Variants in TSKU observed in about 807,000 individuals in gnomAD.
TSKU encodes the protein tsukushi.
In TSKU, 4 loss-of-function variants were observed where a neutral mutation model predicts 11.2. That is an observed-to-expected ratio of 0.36 (90% CI 0.18 to 0.82). The LOEUF (loss-of-function observed/expected upper bound fraction) is 0.82. Among genes scored for constraint, TSKU ranks in the 40% least tolerant of loss-of-function variants. The pLI is 0.50. For synonymous variants in TSKU, 220 were observed against 232.2 expected, an observed-to-expected ratio of 0.95 and a Z score of 0.48; for missense variants, 407 against 482.5, an observed-to-expected ratio of 0.84 and a Z score of 1.47.
At chr11:76,787,142 G>T (rs1395613781) in intron 1 of TSKU, among the ~76,000 whole-genome samples, 2 of 152,190 alleles carry the variant, frequency 1.3e-5, no homozygotes, top group Admixed American at 1.3e-4. Context: ...ACTCAGAGGG[G>T]TGAGGGCACG....
chr11:76,793,642 G>A (rs562942411), intron 1 of TSKU, among the ~76,000 whole-genome samples: 7 of 152,222 alleles, frequency 4.6e-5, no homozygotes, highest in East Asian at 3.9e-4. Context: ...TGAGCCCTGC[G>A]GTGAGGAGCT....
At chr11:76,782,893 A>G (rs1384335325), upstream of TSKU, 2 of 152,166 alleles carry the variant, frequency 1.3e-5, no homozygotes, top group African/African-American at 4.8e-5. Context: ...TGAACAAGCA[A>G]AGAGGAAGCC....
intron 1 of TSKU, among the ~76,000 whole-genome samples, chr11:76,789,088 T>G (rs979667530): frequency 2.6e-5 from 4 of 152,206 alleles, no homozygotes; most frequent in Non-Finnish European, 5.9e-5. Flanking sequence ...TGCTCTGCCA[T>G]TCCTTGCTGT....
chr11:76,788,355 C>CA lies in TSKU; in HGVS notation c.-9+4952dup, dbSNP rs552249416. ...AGATGCTGTAGTGCAGCACCAGGGT[C>CA]AGGCAGCTGGGGCCAGGTAGGTTCA... On this transcript the variant is annotated intron_variant, in intron 1 of 1. Transcript: ENST00000333090. Among the ~76,000 whole-genome samples the CA allele has an allele frequency of 1.6e-3, 246 of 152,194 alleles. 2 individuals carry two copies. The highest frequency in any genetic ancestry group is 5.7e-3 in the African/African-American group (237 of 41,500).
chr11:76,792,233 C>T (rs1301084822), intron 1 of TSKU: 1 of 152,162 alleles, frequency 6.6e-6, no homozygotes. Context: ...GGCCTGTAGC[C>T]CCTTTGTTTT....
intron 1 of TSKU, among the ~76,000 whole-genome samples, chr11:76,791,510 GGTGT>G (rs4016186): frequency 0.14 from 21,075 of 152,078 alleles, 1,936 homozygotes; most frequent in East Asian, 0.4. Context: ...CTAGGGACTT[GGTGT>G]CCTGTGTCCC....
At position 76,796,315 on chromosome 11, in the gene TSKU, C is replaced by T. The variant is rs759068512; in HGVS notation, c.699C>T (p.His233=). 5.0e-6 allele frequency: 8 copies of T among 1,613,222 alleles called. No homozygotes were observed. The African/African-American group carries it at 5.3e-5, about 11-fold the overall frequency. The change falls in exon 2 of 2, where the codon CAC becomes CAT. Residue 233 remains histidine (H), a synonymous_variant. Transcript: ENST00000333090. This position sits in a 1 kb window ranked among gnomAD's most constrained non-coding sequence, Gnocchi z 4.1. ...TCGCGGGGCTGGGAGGCCTTACACA[C>T]CTGTCTCTGGCCAGCCTGCAGAGGC... ...GAFAGLGGLT[H]LSLASLQRLP... is the part of the protein sequence containing the mutation.
intron 1 of TSKU, among the ~76,000 whole-genome samples, chr11:76,793,922 G>C (rs1484863398): frequency 1.3e-5 from 2 of 152,156 alleles, no homozygotes; most frequent in Non-Finnish European, 2.9e-5. Flanking sequence ...TTTCATGCAG[G>C]GCTGGTAATG....
chr11:76,796,510 G>A lies in TSKU; in HGVS notation c.894G>A (p.Leu298=). ...ACCTGGTGCCCCTGCCTGAGGCGCT[G>A]CTCCTCCACCTCCCGGCACTGCAGA... ...GTNLVPLPEA[L]LLHLPALQSV... The change falls in exon 2 of 2, where the codon CTG becomes CTA. Residue 298 remains leucine, a synonymous_variant. Coordinates refer to ENST00000333090, the MANE Select transcript of TSKU (RefSeq NM_015516.4). This position sits in a 1 kb window ranked among gnomAD's most constrained non-coding sequence, Gnocchi z 4.1. The A allele has an allele frequency of 6.2e-7, 1 of 1,612,058 alleles. No individual in the cohort carries two copies. The highest frequency in any genetic ancestry group is 2.2e-5 in the East Asian group (1 of 44,814).
intron 1 of TSKU, among the ~76,000 whole-genome samples, chr11:76,786,669 A>C (rs1038420015): frequency 2.0e-5 from 3 of 152,172 alleles, no homozygotes; most frequent in African/African-American, 7.2e-5. Flanking sequence ...GTGACTGCCC[A>C]GCTTAGGGAT....
chr11:76,788,822 C>T (rs1440469675), intron 1 of TSKU, among the ~76,000 whole-genome samples: 1 of 152,204 alleles, frequency 6.6e-6, no homozygotes, highest in African/African-American at 2.4e-5. Flanking sequence ...AAAGAACACA[C>T]AGGTAAAGTA....
At chr11:76,787,719 C>T (rs1028985641) in intron 1 of TSKU, among the ~76,000 whole-genome samples, 1 of 152,174 alleles carries the variant, frequency 6.6e-6, no homozygotes, top group Admixed American at 6.5e-5. Flanking sequence ...GGAACCTAAT[C>T]GCATCCCTGC....
chr11:76,783,758 G>T (rs1944270411), intron 1 of TSKU, among the ~76,000 whole-genome samples: 1 of 152,166 alleles, frequency 6.6e-6, no homozygotes, highest in Non-Finnish European at 1.5e-5. Context: ...GCTGCTTTGC[G>T]CCCGTGTCCA....
chr11:76,793,705 C>G (rs1944404340), intron 1 of TSKU, among the ~76,000 whole-genome samples: 1 of 152,096 alleles, frequency 6.6e-6, no homozygotes, highest in South Asian at 2.1e-4. Context: ...CCTTTTGGTT[C>G]CAGACATTGG....
rs1944448594 is a variant in TSKU, at chr11:76,796,347, A to G, written c.731A>G (p.Glu244Gly). Residue 244 changes from glutamate to glycine, a missense_variant, in exon 2 of 2, where the codon GAG (glutamate) becomes GGG (glycine). By Grantham distance (98) the Glu-to-Gly change is moderately conservative. Coordinates refer to ENST00000333090, the MANE Select transcript of TSKU (RefSeq NM_015516.4). This position sits in a 1 kb window ranked among gnomAD's most constrained non-coding sequence, Gnocchi z 4.1. The stretch of plus-strand genomic sequence containing the variant: ...CTGGCCAGCCTGCAGAGGCTCCCTG[A>G]GCTGGCGCCCAGTGGCTTCCGTGAG... ...LSLASLQRLP[E>G]LAPSGFRELP... The G allele has an allele frequency of 1.2e-6, 2 of 1,613,270 alleles. No homozygotes were observed. Among genetic ancestry groups the G allele is most frequent in the Admixed American group, 3.3e-5 (2 of 60,020 alleles).
In TSKU at chr11:76,795,719, G is replaced by A. The variant is rs1349126885; in HGVS notation, c.103G>A (p.Asp35Asn). 1.4e-5 allele frequency: 23 copies of A among 1,614,048 alleles called. No homozygotes were observed. The highest frequency in any genetic ancestry group is 1.8e-5 in the Non-Finnish European group (21 of 1,180,048). Residue 35 changes from aspartate (D) to asparagine (N), a missense_variant, in exon 2 of 2, where the codon GAC becomes AAC. Transcript: ENST00000333090. ...QCEVETFGLF[D>N]SFSLTRVDCS... Reference sequence around the variant, plus strand: ...CGAGGTGGAGACCTTCGGCCTTTTCGACAGCTTCAGCCTGACTCGGGTGGA... The same window carrying A: ...CGAGGTGGAGACCTTCGGCCTTTTCAACAGCTTCAGCCTGACTCGGGTGGA...
At position 76,795,628 on chromosome 11, in the gene TSKU, C is replaced by CCTG. The variant is rs149062181; in HGVS notation, c.25_27dup (p.Leu9dup). On this transcript the variant is annotated inframe_insertion, in exon 2 of 2. Coordinates refer to ENST00000333090, the MANE Select transcript of TSKU (RefSeq NM_015516.4). ...TTCTAGCCCCCACCATGCCGTGGCCCCTGCTGCTGCTGCTGGCCGTGAGTG... is the reference window on the plus strand; with the variant it reads ...TTCTAGCCCCCACCATGCCGTGGCCCCTGCTGCTGCTGCTGCTGGCCGTGAGTG... 8.1e-6 allele frequency: 13 copies of CCTG among 1,609,776 alleles called. No individual in the cohort carries two copies. The highest frequency in any genetic ancestry group is 6.7e-5 in the East Asian group (3 of 44,850).
intron 1 of TSKU, among the ~76,000 whole-genome samples, chr11:76,793,974 G>A (rs534465240): frequency 2.0e-5 from 3 of 152,282 alleles, no homozygotes; most frequent in East Asian, 1.9e-4. Context: ...AGTCTGGAAG[G>A]TGGGCAGGTC....
At chr11:76,791,699 C>T (rs1037514337) in intron 1 of TSKU, 1 of 152,212 alleles carries the variant, frequency 6.6e-6, no homozygotes, top group Non-Finnish European at 1.5e-5. Flanking sequence ...TTACAAAACC[C>T]AAACCAAAGC....
Sources: allele counts gnomAD v4.1 joint callset (sites outside exome capture counted in the v4.1 genomes callset), GRCh38; gene constraint gnomAD v4.1.1; non-coding constraint Gnocchi (gnomAD v3.1); transcripts MANE v1.5; gene names NCBI Gene and HGNC (gene_info 2026-07-23, HGNC 2026-07-21).